The following CECR2 variants were observed in gnomAD, a reference collection of about 807,000 sequenced individuals.
CECR2 encodes chromatin remodeling regulator CECR2.
A neutral mutation model predicts 154.5 loss-of-function variants in CECR2; 30 were observed. That is an observed-to-expected ratio of 0.19 (90% CI 0.15 to 0.26). CECR2 has a LOEUF of 0.26. Among genes scored for constraint, CECR2 ranks in the 10% least tolerant of loss-of-function variants. The pLI is 1.00. For synonymous variants in CECR2, 725 were observed against 683.7 expected (o/e 1.06, Z -0.94); for missense variants, 1,743 against 1,829.3 (o/e 0.95, Z 0.86).
Position 17,549,168 on chromosome 22 carries a change from A to C in CECR2, c.3881A>C (p.Lys1294Thr). 1 of 1,614,010 alleles carries C rather than the reference A, an allele frequency of 6.2e-7. No individual in the cohort carries two copies. Among genetic ancestry groups the C allele is most frequent in the Non-Finnish European group, 8.5e-7 (1 of 1,179,896 alleles). ...TCTATGGAGAGGCCAGAGAGTCCCA[A>C]AGAATTTTTAGACCTGGACAACCAT... The part of the protein sequence containing the change: ...DESMERPESP[K>T]EFLDLDNHNA... The change falls in exon 17 of 19, where the codon AAA (lysine) becomes ACA (threonine). Residue 1294 changes from lysine (K) to threonine (T), a missense_variant. Lys to Thr is a moderately conservative substitution (Grantham distance 78). Around this residue, in one of 4 missense-constraint regions of CECR2, gnomAD observed 1,250 missense variants for 1,192.1 expected, o/e 1.05. Coordinates refer to ENST00000262608, the MANE Select transcript of CECR2 (RefSeq NM_001290047.2).
At chr22:17,535,063 A>G (rs1312832844) in intron 9 of CECR2, among the ~76,000 whole-genome samples, 2 of 151,872 alleles carry the variant, frequency 1.3e-5, no homozygotes, top group Non-Finnish European at 2.9e-5. Flanking sequence ...AGGCAGGAGA[A>G]TGACGTGAAC....
intron 1 of CECR2, among the ~76,000 whole-genome samples, chr22:17,417,183 A>G (rs1601321652): frequency 6.6e-6 from 1 of 152,322 alleles, no homozygotes; most frequent in East Asian, 1.9e-4. Context: ...AGGCATTTGA[A>G]TAGAAATGGC....
intron 14 of CECR2, 58 bp downstream of exon 14, chr22:17,540,858 G>A: frequency 2.0e-6 from 3 of 1,474,186 alleles, no homozygotes; most frequent in Admixed American, 2.5e-5. Context: ...TCATAGTAAT[G>A]TAGAGGCCAT....
chr22:17,495,631 G>C (rs938658289), intron 2 of CECR2, among the ~76,000 whole-genome samples: 29 of 150,576 alleles, frequency 1.9e-4, no homozygotes, highest in Non-Finnish European at 2.9e-4. Context: ...GGGAGGCCGA[G>C]GCGGGTGGAT....
intron 2 of CECR2, 51 bp from the exon 3 acceptor site, chr22:17,497,352 C>A: frequency 6.6e-7 from 1 of 1,520,648 alleles, no homozygotes; most frequent in Non-Finnish European, 8.9e-7. Context: ...CTTCTCCCAA[C>A]CAACCTATAT....
chr22:17,527,137 A>G (rs1449899033), intron 9 of CECR2, among the ~76,000 whole-genome samples: 2 of 152,200 alleles, frequency 1.3e-5, no homozygotes, highest in Non-Finnish European at 2.9e-5. Context: ...AAATATTTGA[A>G]TAGAGATTTC....
intron 1 of CECR2, among the ~76,000 whole-genome samples, chr22:17,434,434 TGCAGGCA>T (rs2054472130): frequency 6.6e-6 from 1 of 152,202 alleles, no homozygotes; most frequent in South Asian, 2.1e-4. Context: ...GAGACTCTGA[TGCAGGCA>T]GTGCAAGAAT....
chr22:17,543,629 G>A (rs1190411062), intron 16 of CECR2, among the ~76,000 whole-genome samples: 2 of 150,960 alleles, frequency 1.3e-5, no homozygotes, highest in East Asian at 1.9e-4. Flanking sequence ...GCACAATCTC[G>A]GTTGACTGCA....
intron 8 of CECR2, among the ~76,000 whole-genome samples, chr22:17,519,314 C>T (rs1192090134): frequency 4.2e-5 from 6 of 142,736 alleles, no homozygotes; most frequent in Admixed American, 7.1e-5. Flanking sequence ...TTTTTTGAGA[C>T]GGAGTCTCAT....
intron 1 of CECR2, among the ~76,000 whole-genome samples, chr22:17,429,860 T>C (rs2054394727): frequency 6.6e-6 from 1 of 152,146 alleles, no homozygotes; most frequent in Admixed American, 6.6e-5. Flanking sequence ...CAGTAAGAAG[T>C]CCTATATGGC....
At chr22:17,481,052 A>G (rs1184584329) in intron 2 of CECR2, among the ~76,000 whole-genome samples, 1 of 144,486 alleles carries the variant, frequency 6.9e-6, no homozygotes, top group Non-Finnish European at 1.5e-5. Context: ...TTTTTTTTAA[A>G]AAAAAAAAAG....
intron 9 of CECR2, among the ~76,000 whole-genome samples, chr22:17,536,377 G>T (rs1414598881): frequency 1.3e-5 from 2 of 152,070 alleles, no homozygotes; most frequent in Non-Finnish European, 2.9e-5. Context: ...CTACCTCCTT[G>T]TTCCCTGCAA....
Position 17,542,812 on chromosome 22 carries a change from A to C in CECR2, c.2669A>C (p.Gln890Pro). The C allele has an allele frequency of 6.2e-7, 1 of 1,613,900 alleles. No individual in the cohort carries two copies. The highest frequency in any genetic ancestry group is 1.3e-5 in the African/African-American group (1 of 75,022). The change falls in exon 16 of 19, where the codon CAG (glutamine) becomes CCG (proline). Residue 890 changes from glutamine (Q) to proline (P), a missense_variant. Around this residue, in one of 4 missense-constraint regions of CECR2, gnomAD observed 1,250 missense variants for 1,192.1 expected, o/e 1.05. Transcript: ENST00000262608. Reference protein sequence around the residue: ...MDSPEMIAMQQLSSRVCPPGV... With the variant: ...MDSPEMIAMQPLSSRVCPPGV... ...AGCCCAGAGATGATTGCGATGCAGCAGCTCTCCTCCCGCGTCTGCCCCCCA... is the reference window on the plus strand; with the variant it reads ...AGCCCAGAGATGATTGCGATGCAGCCGCTCTCCTCCCGCGTCTGCCCCCCA...
chr22:17,444,965 T>C (rs2054637004), intron 1 of CECR2, among the ~76,000 whole-genome samples: 1 of 152,140 alleles, frequency 6.6e-6, no homozygotes, highest in Admixed American at 6.5e-5. Context: ...CTATGAAAAA[T>C]AATGTGCTGA....
rs1339797597 is a variant in CECR2 at position 17,477,518 on chromosome 22, C to G, written c.127-70C>G. The G allele has an allele frequency of 2.0e-5, 20 of 1,005,066 alleles. No individual in the cohort carries two copies. In the South Asian group the frequency reaches 2.5e-4, roughly 12 times the overall value. The allele number at this position is 1,005,066 out of a possible 1,614,324, so 62.3% of individuals were successfully genotyped here. ...ATTCAGTTCTTGGGGCTTGTGCTGG[C>G]GGTAGGAAGGGGTGTGTATTTTAAG... On this transcript the variant is annotated intron_variant, in intron 1 of 18. Coordinates refer to ENST00000262608, the MANE Select transcript of CECR2 (RefSeq NM_001290047.2).
intron 1 of CECR2, among the ~76,000 whole-genome samples, chr22:17,412,716 C>T (rs1196620072): frequency 1.3e-5 from 2 of 152,068 alleles, no homozygotes; most frequent in East Asian, 3.9e-4. Context: ...TCTTTGAAGC[C>T]ATTCTTGAGT....
chr22:17,511,734 GGCA>G (rs112072502), intron 7 of CECR2, 76 bp from the exon 8 acceptor site: 774 of 1,251,712 alleles, frequency 6.2e-4, no homozygotes, highest in South Asian at 1.0e-3. Flanking sequence ...TTTTACTGGC[GGCA>G]GCAGCAGCAG....
intron 1 of CECR2, among the ~76,000 whole-genome samples, chr22:17,371,042 C>T (rs976663305): frequency 2.6e-5 from 4 of 152,094 alleles, no homozygotes; most frequent in African/African-American, 7.2e-5. Flanking sequence ...GTTGTTGCCT[C>T]CCCAGCCCCA....
chr22:17,475,335 G>C (rs1049358997), intron 1 of CECR2, among the ~76,000 whole-genome samples: 1 of 152,170 alleles, frequency 6.6e-6, no homozygotes, highest in African/African-American at 2.4e-5. Context: ...GGGGGGAGCA[G>C]CTTGGTTTTG....
Sources: gnomAD v4.1 joint callset for allele counts (sites outside exome capture counted in the v4.1 genomes callset) on GRCh38, gnomAD v4.1.1 for gene constraint, gnomAD v4.1.1 regional missense constraint, MANE v1.5 for transcripts, NCBI Gene and HGNC (gene_info 2026-07-23, HGNC 2026-07-21) for gene names.